UBAP2: variants seen among roughly 807,000 people sequenced by gnomAD.
The protein encoded by UBAP2 is ubiquitin associated protein 2, also known as ubiquitin-associated protein 2.
UBAP2 carries 75 observed loss-of-function variants against 139.6 expected under a neutral mutation model. The observed-to-expected ratio is 0.54, with a 90% CI of 0.45 to 0.65. The LOEUF is 0.65. Among genes scored for constraint, UBAP2 ranks in the 30% least tolerant of loss-of-function variants. The probability of loss-of-function intolerance (pLI) is 0.00; values close to 1 mark genes in which losing one functional copy is unlikely to be tolerated. For synonymous variants in UBAP2, 526 were observed against 526.2 expected (o/e 1.00, Z 0.01); for missense variants, 1,368 against 1,369.6 (o/e 1.00, Z 0.02).
At chr9:33,965,501 T>C (rs1011250229) in intron 8 of UBAP2, among the ~76,000 whole-genome samples, 2 of 152,246 alleles carry the variant, frequency 1.3e-5, no homozygotes, top group South Asian at 2.1e-4. Flanking sequence ...TCGGATTCTA[T>C]ATAAGAGATC....
intron 6 of UBAP2, among the ~76,000 whole-genome samples, chr9:33,980,674 G>A (rs2131099445): frequency 6.6e-6 from 1 of 152,170 alleles, no homozygotes; most frequent in Non-Finnish European, 1.5e-5. Flanking sequence ...TGAAATAGCA[G>A]GCCAGACGCT....
intron 1 of UBAP2, among the ~76,000 whole-genome samples, chr9:34,020,826 AT>A (rs368883130): frequency 6.6e-6 from 1 of 151,382 alleles, no homozygotes; most frequent in Non-Finnish European, 1.5e-5. Flanking sequence ...AGCCCAGCTA[AT>A]TTTTTTGTAT....
At chr9:33,951,159 T>C (rs994419069) in intron 12 of UBAP2, among the ~76,000 whole-genome samples, 1 of 119,042 alleles carries the variant, frequency 8.4e-6, no homozygotes, top group Non-Finnish European at 1.9e-5. Flanking sequence ...GTAGCTATGA[T>C]TACAGGGCAT....
Position 33,927,097 on chromosome 9 carries a change from A to C in UBAP2, c.2372-17T>G. 6.3e-7 allele frequency: 1 copy of C among 1,592,518 alleles called. No homozygotes were observed. The highest frequency in any genetic ancestry group is 1.7e-5 in the Admixed American group (1 of 58,038). The stretch of plus-strand genomic sequence containing the variant: ...GTGCTTTGCCTGTATAGAGGGAAAA[A>C]TCAAATGGAGTGAAATGGTCACCAC... On this transcript the variant is annotated splice_polypyrimidine_tract_variant and intron_variant, in intron 20 of 28. Coordinates refer to ENST00000379238, the MANE Select transcript of UBAP2 (RefSeq NM_001370062.2).
chr9:33,986,404 AATGATCAT>A (rs1404098179), intron 6 of UBAP2, among the ~76,000 whole-genome samples: 1 of 152,202 alleles, frequency 6.6e-6, no homozygotes, highest in Non-Finnish European at 1.5e-5. Context: ...TGAAAGCTCA[AATGATCAT>A]AGCCTTTTTT....
At chr9:33,992,906 C>A (rs372584690) in intron 4 of UBAP2, among the ~76,000 whole-genome samples, 1 of 152,158 alleles carries the variant, frequency 6.6e-6, no homozygotes, top group South Asian at 2.1e-4. Context: ...CTCCCAGCCA[C>A]CACATAATAA....
intron 8 of UBAP2, among the ~76,000 whole-genome samples, chr9:33,966,854 AAT>A (rs1317257118): frequency 3.3e-5 from 5 of 152,112 alleles, no homozygotes; most frequent in Non-Finnish European, 5.9e-5. Flanking sequence ...AAAAGGGGAG[AAT>A]ATATGTGTAT....
chr9:33,979,742 C>A (rs2131093478), intron 6 of UBAP2, among the ~76,000 whole-genome samples: 1 of 151,922 alleles, frequency 6.6e-6, no homozygotes, highest in African/African-American at 2.4e-5. Flanking sequence ...AGTAGCTGAG[C>A]CTGTAGTCCC....
intron 1 of UBAP2, among the ~76,000 whole-genome samples, chr9:34,020,174 AAG>A (rs1317892504): frequency 1.3e-5 from 2 of 150,032 alleles, no homozygotes; most frequent in Admixed American, 6.7e-5. Flanking sequence ...AAAAAAAACT[AAG>A]AGATAAACAC....
rs753123275 is a variant in UBAP2 at position 33,927,842 on chromosome 9, T to TC, written c.2325dup (p.Ser776GlufsTer7). The stretch of plus-strand genomic sequence containing the variant: ...GCCCTGCTACTGCTGCTGGATGCAC[T>TC]CGCGGGGGTCCCACCCAGACAGAGG... On this transcript the variant is annotated frameshift_variant, in exon 20 of 29. Coordinates refer to ENST00000379238, the MANE Select transcript of UBAP2 (RefSeq NM_001370062.2). LOFTEE classifies it high-confidence loss of function. 6.2e-7 allele frequency: 1 copy of TC among 1,614,050 alleles called. No individual in the cohort carries two copies. Among genetic ancestry groups the TC allele is most frequent in the Admixed American group, 1.7e-5 (1 of 60,012 alleles).
chr9:33,973,091 G>A (rs1828031507), intron 7 of UBAP2, 92 bp downstream of exon 7: 2 of 1,087,916 alleles, frequency 1.8e-6, no homozygotes, highest in Non-Finnish European at 2.8e-6. Flanking sequence ...GATTCACCAT[G>A]ATGACTAAAT....
chr9:33,924,346 A>C, intron 22 of UBAP2, 62 bp from the exon 23 acceptor site: 4 of 1,512,618 alleles, frequency 2.6e-6, no homozygotes, highest in Non-Finnish European at 2.8e-6. Context: ...GGAGAGCAGA[A>C]CCAGCACATG....
At chr9:33,955,399 G>A (rs1413790227) in intron 11 of UBAP2, among the ~76,000 whole-genome samples, 2 of 151,436 alleles carry the variant, frequency 1.3e-5, no homozygotes, top group African/African-American at 4.9e-5. Flanking sequence ...GGCGCCTGTA[G>A]TCCCAGCTAC....
chr9:33,987,090 G>C (rs1167464296), intron 5 of UBAP2, among the ~76,000 whole-genome samples: 1 of 151,934 alleles, frequency 6.6e-6, no homozygotes, highest in Admixed American at 6.6e-5. Context: ...CCAAGAGCTT[G>C]AGACCAGCCT....
chr9:33,986,813 T>A lies in UBAP2; in HGVS notation c.467A>T (p.Asp156Val), dbSNP rs1172245244. ...TGAAGGTTTGTCCACTTGATTGCAA[T>A]CAATTCCATTTTCTTCACCTCTAAC... ...REFRGEENGIDCNQVDKPSDR... is the reference protein window; with the variant it reads ...REFRGEENGIVCNQVDKPSDR... The change falls in exon 6 of 29, where the codon GAT becomes GTT. Residue 156 changes from aspartate to valine, a missense_variant. Asp to Val is a radical substitution (Grantham distance 152). Coordinates refer to ENST00000379238, the MANE Select transcript of UBAP2 (RefSeq NM_001370062.2). 6.2e-7 allele frequency: 1 copy of A among 1,614,158 alleles called. No homozygotes were observed. The highest frequency in any genetic ancestry group is 1.1e-5 in the South Asian group (1 of 91,086).
chr9:34,046,643 CAAAAAAAAAAAAAAAAA>C (rs59971755), intron 1 of UBAP2, among the ~76,000 whole-genome samples: 27 of 122,322 alleles, frequency 2.2e-4, no homozygotes, highest in African/African-American at 4.8e-4. Flanking sequence ...GACTCCATCT[CAAAAAAAAAAAAAAAAA>C]AAAAAAAAAA....
intron 1 of UBAP2, among the ~76,000 whole-genome samples, chr9:34,038,151 A>G (rs1312061223): frequency 8.7e-5 from 1 of 11,532 alleles, no homozygotes; most frequent in Non-Finnish European, 1.8e-4. Flanking sequence ...GGGAAAAAAA[A>G]AAAAAAAAAA....
chr9:33,924,237 T>G lies in UBAP2; in HGVS notation c.2559A>C (p.Arg853=). 6.2e-7 allele frequency: 1 copy of G among 1,614,182 alleles called. No homozygotes were observed. Among genetic ancestry groups the G allele is most frequent in the Non-Finnish European group, 8.5e-7 (1 of 1,180,008 alleles). ...PFAAPTALAS[R]DGSLANNPYP... is the part of the protein sequence containing the mutation. ...ATGGATTATTAGCTAGGCTCCCATCTCGGCTGGCAAGCGCTGTGGGTGCAG... is the reference window on the plus strand; with the variant it reads ...ATGGATTATTAGCTAGGCTCCCATCGCGGCTGGCAAGCGCTGTGGGTGCAG... Residue 853 remains arginine, a synonymous_variant, in exon 23 of 29, where the codon CGA becomes CGC. Coordinates refer to ENST00000379238, the MANE Select transcript of UBAP2 (RefSeq NM_001370062.2).
intron 12 of UBAP2, among the ~76,000 whole-genome samples, chr9:33,951,839 A>G (rs938415312): frequency 6.6e-6 from 1 of 152,210 alleles, no homozygotes; most frequent in Non-Finnish European, 1.5e-5. Context: ...AGATTTCAGC[A>G]AGGGCATTAC....
Sources: gnomAD v4.1 joint callset for allele counts (sites outside exome capture counted in the v4.1 genomes callset) on GRCh38, gnomAD v4.1.1 for gene constraint, MANE v1.5 for transcripts, NCBI Gene and HGNC (gene_info 2026-07-23, HGNC 2026-07-21) for gene names.